RPS6KA5: variants seen among roughly 807,000 people sequenced by gnomAD.
RPS6KA5 encodes ribosomal protein S6 kinase alpha-5.
A neutral mutation model predicts 85.5 loss-of-function variants in RPS6KA5; 27 were observed. The ratio of observed to expected loss-of-function variants is 0.32; its 90% CI spans 0.23 to 0.44. The LOEUF is 0.44. Among genes scored for constraint, RPS6KA5 ranks in the 20% least tolerant of loss-of-function variants. The pLI is 1.00. For missense variants in RPS6KA5, 811 were observed against 980.9 expected, an observed-to-expected ratio of 0.83 and a Z score of 2.31; for synonymous variants, 334 against 348.2, an observed-to-expected ratio of 0.96 and a Z score of 0.46.
chr14:90,883,572 T>A (rs1219561623), intron 14 of RPS6KA5, among the ~76,000 whole-genome samples: 9 of 152,236 alleles, frequency 5.9e-5, no homozygotes, highest in Non-Finnish European at 4.4e-5. Context: ...GGTCTTTCAA[T>A]GTCTTTAACA....
Position 91,054,803 on chromosome 14 carries a change from A to AT in RPS6KA5, c.103+5528dup, listed in dbSNP as rs59436467. On this transcript the variant is annotated intron_variant, in intron 1 of 16. Transcript: ENST00000614987. ...CCATCTCTATTATTTAAAAAAAAAA[A>AT]TTTTTTTTTAATTAAAGACTTTTGT... Among the ~76,000 whole-genome samples the AT allele has an allele frequency of 7.3e-5, 11 of 151,456 alleles. No homozygotes were observed. In the East Asian group the frequency reaches 1.9e-3, roughly 27 times the overall value.
rs141065704 is a variant in RPS6KA5, at chr14:91,044,070, T to C, written c.103+16262A>G. On this transcript the variant is annotated intron_variant, in intron 1 of 16. Coordinates refer to ENST00000614987, the MANE Select transcript of RPS6KA5 (RefSeq NM_004755.4). ...GGTGAAACCCTATCTCTACTAAAAA[T>C]ACAAAAATTAGCTGGGCATGGTGGT... Among the ~76,000 whole-genome samples, 32 of 151,834 alleles carry C rather than the reference T, an allele frequency of 2.1e-4. 1 individual carries two copies. In the Middle Eastern group the frequency reaches 0.014, roughly 65 times the overall value.
chr14:90,923,889 A>G (rs956511133), intron 5 of RPS6KA5, among the ~76,000 whole-genome samples: 1 of 152,066 alleles, frequency 6.6e-6, no homozygotes, highest in African/African-American at 2.4e-5. Flanking sequence ...TAACCTAAAA[A>G]TTATTTTTTA....
intron 14 of RPS6KA5, among the ~76,000 whole-genome samples, chr14:90,883,607 G>A (rs549620698): frequency 4.6e-5 from 7 of 152,042 alleles, no homozygotes; most frequent in African/African-American, 1.4e-4. Flanking sequence ...CTTTGTCTAG[G>A]TGAATTTATC....
At chr14:90,925,141 G>A (rs1334351698) in intron 5 of RPS6KA5, among the ~76,000 whole-genome samples, 2 of 152,184 alleles carry the variant, frequency 1.3e-5, no homozygotes, top group African/African-American at 4.8e-5. Context: ...GCCAGGAAGT[G>A]AGTACAGAAA....
chr14:90,983,296 A>G (rs949316969), intron 2 of RPS6KA5, among the ~76,000 whole-genome samples: 1 of 151,574 alleles, frequency 6.6e-6, no homozygotes, highest in African/African-American at 2.4e-5. Flanking sequence ...AAAAAAAGAA[A>G]GAAAGAAAAA....
chr14:91,038,742 T>C (rs954545853), intron 1 of RPS6KA5, among the ~76,000 whole-genome samples: 158 of 152,342 alleles, frequency 1.0e-3, no homozygotes, highest in African/African-American at 3.7e-3. Flanking sequence ...CTGCTTCACT[T>C]CTGTCTTCCA....
chr14:91,050,879 T>C (rs529146131), intron 1 of RPS6KA5, among the ~76,000 whole-genome samples: 263 of 152,250 alleles, frequency 1.7e-3, no homozygotes, highest in Non-Finnish European at 3.4e-3. Flanking sequence ...CAGGGAACTG[T>C]TGTTTTTCAA....
intron 1 of RPS6KA5, among the ~76,000 whole-genome samples, chr14:91,048,453 C>T (rs761981984): frequency 3.3e-5 from 5 of 152,090 alleles, no homozygotes; most frequent in Non-Finnish European, 5.9e-5. Context: ...ACTTTACTTC[C>T]TCATTCTCCC....
intron 1 of RPS6KA5, among the ~76,000 whole-genome samples, chr14:91,028,638 C>T (rs1351640766): frequency 6.6e-6 from 1 of 152,138 alleles, no homozygotes; most frequent in Non-Finnish European, 1.5e-5. Context: ...CCTGCCTCAG[C>T]CTTCCAAGCA....
chr14:90,894,607 G>C, intron 12 of RPS6KA5, 24 bp from the exon 13 acceptor site: 1 of 1,607,844 alleles, frequency 6.2e-7, no homozygotes, highest in Non-Finnish European at 8.5e-7. Context: ...AGAATAACGT[G>C]GAGGGCCTTC....
chr14:90,919,975 CA>C (rs1277557555), intron 7 of RPS6KA5, among the ~76,000 whole-genome samples: 1 of 152,070 alleles, frequency 6.6e-6, no homozygotes, highest in Non-Finnish European at 1.5e-5. Context: ...AAAATCATGA[CA>C]CTATAGATCA....
chr14:91,044,295 AAG>A (rs1324777752), intron 1 of RPS6KA5, among the ~76,000 whole-genome samples: 2 of 37,644 alleles, frequency 5.3e-5, no homozygotes, highest in Non-Finnish European at 1.1e-4. Context: ...GAGAGAGAGA[AAG>A]AGAGAGAAAG....
chr14:90,966,912 A>C (rs2039090507), intron 3 of RPS6KA5, among the ~76,000 whole-genome samples: 1 of 152,230 alleles, frequency 6.6e-6, no homozygotes, highest in East Asian at 1.9e-4. Context: ...ATCTTTCTTG[A>C]TGGGCATGTC....
At chr14:90,908,616 G>C (rs2035638650) in intron 7 of RPS6KA5, among the ~76,000 whole-genome samples, 1 of 152,214 alleles carries the variant, frequency 6.6e-6, no homozygotes. Context: ...AAGAGAACCA[G>C]ACACTGGGAG....
chr14:90,972,223 C>T (rs77338246), intron 3 of RPS6KA5, among the ~76,000 whole-genome samples: 125 of 152,272 alleles, frequency 8.2e-4, no homozygotes, highest in Admixed American at 6.6e-3. Context: ...AAATACCTTA[C>T]GGTTTTTCCC....
intron 3 of RPS6KA5, among the ~76,000 whole-genome samples, chr14:90,957,215 C>T (rs1283877934): frequency 1.3e-5 from 2 of 152,070 alleles, no homozygotes; most frequent in African/African-American, 2.4e-5. Context: ...CAGGTGCACA[C>T]CACCATGCCT....
chr14:90,952,067 C>A (rs28896908), intron 3 of RPS6KA5, among the ~76,000 whole-genome samples: 2,025 of 152,332 alleles, frequency 0.013, 56 homozygotes, highest in African/African-American at 0.046. Context: ...CATCCCCAGG[C>A]ACCTTGGATT....
chr14:91,002,264 T>G lies in RPS6KA5; in HGVS notation c.104-1105A>C, dbSNP rs537765687. 2.0e-5 allele frequency among the ~76,000 whole-genome samples: 3 copies of G among 152,170 alleles called. No individual in the cohort carries two copies. In the South Asian group the frequency reaches 6.2e-4, roughly 32 times the overall value. ...ATGCATTTTTTAAAATAAGATAAATTTATAAATAAATATAGCTATGAACAC... is the reference window on the plus strand; with the variant it reads ...ATGCATTTTTTAAAATAAGATAAATGTATAAATAAATATAGCTATGAACAC... On this transcript the variant is annotated intron_variant, in intron 1 of 16. Coordinates refer to ENST00000614987, the MANE Select transcript of RPS6KA5 (RefSeq NM_004755.4).
Sources: allele counts gnomAD v4.1 joint callset (sites outside exome capture counted in the v4.1 genomes callset), GRCh38; gene constraint gnomAD v4.1.1; transcripts MANE v1.5; gene names NCBI Gene and HGNC (gene_info 2026-07-23, HGNC 2026-07-21).